DPY19L2: variants seen among roughly 807,000 people sequenced by gnomAD.
DPY19L2 encodes the protein dpy-19 like 2.
In DPY19L2, 34 loss-of-function variants were observed where a neutral mutation model predicts 97.9. That is an observed-to-expected ratio of 0.35 (90% CI 0.26 to 0.46). The LOEUF (loss-of-function observed/expected upper bound fraction) is 0.46, where lower values mean the gene tolerates loss of function less well. Ranked by LOEUF, DPY19L2 falls within the 20% of genes least tolerant of loss-of-function variation. DPY19L2 has a pLI of 1.00. For synonymous variants in DPY19L2, 230 were observed against 307.9 expected (o/e 0.75, Z 2.65); for missense variants, 623 against 911.4 (o/e 0.68, Z 4.07).
At chr12:63,624,813 A>C (rs1344862558) in intron 7 of DPY19L2, among the ~76,000 whole-genome samples, 4 of 152,152 alleles carry the variant, frequency 2.6e-5, no homozygotes, top group African/African-American at 9.7e-5. Context: ...TCTAGAAAGA[A>C]TGTGAACTCT....
intron 6 of DPY19L2, among the ~76,000 whole-genome samples, chr12:63,639,879 C>G (rs1892402259): frequency 6.6e-6 from 1 of 152,160 alleles, no homozygotes; most frequent in Non-Finnish European, 1.5e-5. Flanking sequence ...ATAAATCATG[C>G]TGCTATAAAG....
At chr12:63,630,017 G>C (rs149604017) in intron 6 of DPY19L2, among the ~76,000 whole-genome samples, 3,875 of 152,204 alleles carry the variant, frequency 0.025, 96 homozygotes, top group South Asian at 0.062. Flanking sequence ...AGCAAATGCT[G>C]AGAGATTTTG....
At chr12:63,577,068 T>C (rs2137330392) in intron 19 of DPY19L2, among the ~76,000 whole-genome samples, 1 of 152,194 alleles carries the variant, frequency 6.6e-6, no homozygotes, top group African/African-American at 2.4e-5. Flanking sequence ...AACATCATGG[T>C]ACTGCCATAA....
At chr12:63,601,064 C>A (rs1341662311) in intron 12 of DPY19L2, among the ~76,000 whole-genome samples, 6 of 152,112 alleles carry the variant, frequency 3.9e-5, no homozygotes, top group African/African-American at 1.4e-4. Context: ...GGATTACAGG[C>A]GTGAGCCACT....
At chr12:63,572,492 G>A (rs1879054869) in intron 19 of DPY19L2, among the ~76,000 whole-genome samples, 2 of 152,114 alleles carry the variant, frequency 1.3e-5, no homozygotes, top group African/African-American at 4.8e-5. Context: ...ACTATGACCT[G>A]GGGGATCTTG....
intron 21 of DPY19L2, among the ~76,000 whole-genome samples, chr12:63,566,478 G>A (rs558364217): frequency 0.014 from 2,035 of 146,254 alleles, 23 homozygotes; most frequent in Non-Finnish European, 0.021. Context: ...CTAACCCCTC[G>A]CAACCACAAA....
At chr12:63,594,213 A>G (rs564328857) in intron 15 of DPY19L2, 80 bp from the exon 16 acceptor site, 849 of 1,081,716 alleles carry the variant, frequency 7.8e-4, no homozygotes, top group Admixed American at 1.3e-3. Context: ...TAATATAAAC[A>G]CTCTGCCAAG....
rs190768542 is a variant in DPY19L2, at chr12:63,667,237, T to C, written c.337+820A>G. 7.7e-4 allele frequency among the ~76,000 whole-genome samples: 117 copies of C among 152,308 alleles called. 1 individual carries two copies. Among genetic ancestry groups the C allele is most frequent in the African/African-American group, 2.8e-3 (115 of 41,570 alleles). ...ATACAGAGACTATCCTGTTCAACTA[T>C]ATTTGTATCCTATTTCTAATTCTCC... On this transcript the variant is annotated intron_variant, in intron 1 of 21. Coordinates refer to ENST00000324472, the MANE Select transcript of DPY19L2 (RefSeq NM_173812.5).
intron 19 of DPY19L2, among the ~76,000 whole-genome samples, chr12:63,571,866 T>TATAAAAAACAATTACA (rs1878919547): frequency 2.0e-5 from 3 of 152,138 alleles, no homozygotes; most frequent in African/African-American, 7.2e-5. Flanking sequence ...TACAAAATTG[T>TATAAAAAACAATTACA]GAAGGTTACT....
chr12:63,593,793 TA>T (rs1883612529), intron 16 of DPY19L2, among the ~76,000 whole-genome samples: 1 of 141,350 alleles, frequency 7.1e-6, no homozygotes, highest in Non-Finnish European at 1.5e-5. Context: ...AGTATAATAA[TA>T]AAAATAAAAA....
chr12:63,565,290 G>C (rs570441508), intron 21 of DPY19L2, among the ~76,000 whole-genome samples: 225 of 152,150 alleles, frequency 1.5e-3, no homozygotes, highest in Non-Finnish European at 1.9e-3. Flanking sequence ...TCAAAGTTTG[G>C]AGCTCGTAAG....
upstream of DPY19L2, chr12:63,668,594 T>C: frequency 3.4e-6 from 2 of 596,268 alleles, no homozygotes; most frequent in East Asian, 2.9e-5. Flanking sequence ...AGTCCCTGAG[T>C]GTCCCCTCAC....
Position 63,647,854 on chromosome 12 carries a change from TTA to T in DPY19L2, c.589-491_589-490del, listed in dbSNP as rs575936442. Among the ~76,000 whole-genome samples the T allele has an allele frequency of 5.3e-5, 8 of 152,284 alleles. No homozygotes were observed. The East Asian group carries it at 1.5e-3, about 29-fold the overall frequency. ...TAGAAATGTACCATAACTTATATGG[TTA>T]TGAGTTCCGTGGGCTCTCTTTGTGC... is the stretch of plus-strand genomic sequence containing the variant. On this transcript the variant is annotated intron_variant, in intron 4 of 21. Coordinates refer to ENST00000324472, the MANE Select transcript of DPY19L2 (RefSeq NM_173812.5).
At chr12:63,634,836 G>A (rs1891381473) in intron 6 of DPY19L2, among the ~76,000 whole-genome samples, 3 of 152,192 alleles carry the variant, frequency 2.0e-5, no homozygotes, top group African/African-American at 7.2e-5. Context: ...GCCTGCCTCT[G>A]TAGACTCCAC....
intron 19 of DPY19L2, among the ~76,000 whole-genome samples, chr12:63,574,933 C>T (rs1287388676): frequency 1.3e-5 from 2 of 151,906 alleles, no homozygotes; most frequent in East Asian, 3.9e-4. Flanking sequence ...AAACACTGAA[C>T]TTAATCTGCA....
intron 6 of DPY19L2, among the ~76,000 whole-genome samples, chr12:63,634,468 C>T (rs187308877): frequency 1.4e-4 from 22 of 152,228 alleles, no homozygotes; most frequent in African/African-American, 2.6e-4. Context: ...GTGCAGCCCA[C>T]GGAGCAGGGT....
At chr12:63,592,047 A>G (rs1246814917) in intron 16 of DPY19L2, among the ~76,000 whole-genome samples, 1 of 46,628 alleles carries the variant, frequency 2.1e-5, no homozygotes, top group Non-Finnish European at 4.3e-5. Context: ...AGGGGAGGGA[A>G]CGGAAGGGAA....
chr12:63,657,421 AT>A (rs1284734682), intron 4 of DPY19L2, among the ~76,000 whole-genome samples: 1 of 152,162 alleles, frequency 6.6e-6, no homozygotes, highest in Non-Finnish European at 1.5e-5. Context: ...TGTTAATGTA[AT>A]GGGGGAAGAG....
At chr12:63,571,953 G>A (rs568855304) in intron 19 of DPY19L2, among the ~76,000 whole-genome samples, 2 of 152,248 alleles carry the variant, frequency 1.3e-5, no homozygotes, top group South Asian at 4.2e-4. Flanking sequence ...AACTACATTG[G>A]AGAGGAGGTG....
Sources: allele counts gnomAD v4.1 joint callset (sites outside exome capture counted in the v4.1 genomes callset), GRCh38; gene constraint gnomAD v4.1.1; transcripts MANE v1.5; gene names NCBI Gene and HGNC (gene_info 2026-07-23, HGNC 2026-07-21).